Variants in PUM1 observed in about 807,000 individuals in gnomAD.
PUM1 encodes the protein pumilio homolog 1.
PUM1 carries 13 observed loss-of-function variants against 131.8 expected under a neutral mutation model. The ratio of observed to expected loss-of-function variants is 0.10; its 90% CI spans 0.06 to 0.16. The LOEUF is 0.16. Ranked by LOEUF, PUM1 falls within the 10% of genes least tolerant of loss-of-function variation. The pLI, the probability that PUM1 is intolerant of heterozygous loss-of-function variation, is 1.00. For missense variants in PUM1, 961 were observed against 1,512.4 expected (o/e 0.64, Z 6.05); for synonymous variants, 509 against 556.5 (o/e 0.91, Z 1.20).
At chr1:30,956,642 T>TA (rs1640177364) in intron 14 of PUM1, among the ~76,000 whole-genome samples, 1 of 152,124 alleles carries the variant, frequency 6.6e-6, no homozygotes. Flanking sequence ...AAAGAGGTGG[T>TA]AACAGGGTAG....
chr1:31,022,827 A>G (rs1416100512), intron 3 of PUM1, among the ~76,000 whole-genome samples: 1 of 152,202 alleles, frequency 6.6e-6, no homozygotes, highest in Non-Finnish European at 1.5e-5. Context: ...CCCAAAAAAC[A>G]TAAAGTTAAG....
intron 3 of PUM1, among the ~76,000 whole-genome samples, chr1:31,027,291 A>G (rs1643259529): frequency 6.6e-6 from 1 of 152,192 alleles, no homozygotes; most frequent in Non-Finnish European, 1.5e-5. Flanking sequence ...AAAATTCAAA[A>G]AAGAAAGAAA....
intron 2 of PUM1, among the ~76,000 whole-genome samples, chr1:31,043,062 T>C (rs1348163825): frequency 3.3e-5 from 5 of 152,160 alleles, no homozygotes; most frequent in Non-Finnish European, 7.4e-5. Flanking sequence ...TTTATGAAAC[T>C]AAGTTTCTCC....
chr1:30,944,426 A>C (rs559599569), intron 18 of PUM1, among the ~76,000 whole-genome samples: 2 of 152,356 alleles, frequency 1.3e-5, no homozygotes, highest in East Asian at 1.9e-4. Flanking sequence ...AAACAAAAAA[A>C]CACAAAACTA....
chr1:30,982,621 A>C (rs1242361234), intron 7 of PUM1, among the ~76,000 whole-genome samples: 1 of 152,236 alleles, frequency 6.6e-6, no homozygotes, highest in East Asian at 1.9e-4. Context: ...CTTGAATTAC[A>C]GATGTCCTCA....
At chr1:30,953,579 ATG>A in intron 15 of PUM1, 133 bp downstream of exon 15, 1 of 910,542 alleles carries the variant, frequency 1.1e-6, no homozygotes, top group Non-Finnish European at 1.7e-6. Context: ...CTATGAAATA[ATG>A]TGATGCAAAC....
chr1:30,997,552 G>T (rs1470396039), intron 5 of PUM1, among the ~76,000 whole-genome samples: 1 of 133,624 alleles, frequency 7.5e-6, no homozygotes, highest in Admixed American at 7.7e-5. Flanking sequence ...GCAGTAGGAA[G>T]TTTCAACAAC....
At chr1:30,934,052 C>T (rs960581458) in intron 21 of PUM1, among the ~76,000 whole-genome samples, 4 of 152,154 alleles carry the variant, frequency 2.6e-5, no homozygotes, top group Non-Finnish European at 5.9e-5. Flanking sequence ...TCTCAAGGCA[C>T]GCCCGCCACA....
chr1:30,961,080 G>C (rs542907381), intron 14 of PUM1, among the ~76,000 whole-genome samples: 20 of 152,094 alleles, frequency 1.3e-4, no homozygotes, highest in African/African-American at 2.2e-4. Flanking sequence ...TGTAATCCCA[G>C]CTACTTGGGA....
At chr1:30,940,791 A>G (rs949378023) in intron 20 of PUM1, among the ~76,000 whole-genome samples, 1 of 152,188 alleles carries the variant, frequency 6.6e-6, no homozygotes, top group African/African-American at 2.4e-5. Context: ...TAAGGCCTAT[A>G]TATAGATATG....
intron 3 of PUM1, among the ~76,000 whole-genome samples, chr1:31,014,928 G>T (rs1642757900): frequency 6.6e-6 from 1 of 152,070 alleles, no homozygotes; most frequent in African/African-American, 2.4e-5. Flanking sequence ...AGGAATTCAA[G>T]ACTAGCCTGT....
At chr1:31,049,177 T>G (rs186473217) in intron 2 of PUM1, among the ~76,000 whole-genome samples, 2 of 147,436 alleles carry the variant, frequency 1.4e-5, no homozygotes, top group Admixed American at 1.4e-4. Context: ...TGCACTCCAG[T>G]CTGGGTGACA....
intron 17 of PUM1, among the ~76,000 whole-genome samples, chr1:30,946,233 C>T (rs1266926337): frequency 1.3e-5 from 2 of 151,990 alleles, no homozygotes; most frequent in Non-Finnish European, 2.9e-5. Context: ...ATTTAAATAT[C>T]CCTAATTTAC....
At chr1:31,006,487 T>C (rs1384325965) in intron 4 of PUM1, among the ~76,000 whole-genome samples, 1 of 152,234 alleles carries the variant, frequency 6.6e-6, no homozygotes, top group Admixed American at 6.5e-5. Flanking sequence ...CCTTCCTCCC[T>C]ATCATCTGTC....
intron 3 of PUM1, among the ~76,000 whole-genome samples, chr1:31,018,362 TG>T (rs1642899129): frequency 6.8e-6 from 1 of 147,978 alleles, no homozygotes; most frequent in Non-Finnish European, 1.5e-5. Flanking sequence ...AAAATAAAAA[TG>T]AAAAAAATTA....
intron 15 of PUM1, among the ~76,000 whole-genome samples, chr1:30,953,011 C>A (rs948724667): frequency 6.7e-6 from 1 of 148,392 alleles, no homozygotes; most frequent in Non-Finnish European, 1.5e-5. Context: ...AACAAAAAAA[C>A]AAAAACAAAA....
At chr1:30,949,035 C>T in intron 17 of PUM1, 1 of 459,868 alleles carries the variant, frequency 2.2e-6, no homozygotes, top group South Asian at 1.5e-5. Context: ...CTTTGGACTT[C>T]TTCAGCCTTC....
chr1:31,001,109 G>A (rs554648601), intron 5 of PUM1, among the ~76,000 whole-genome samples: 21 of 152,288 alleles, frequency 1.4e-4, no homozygotes, highest in South Asian at 6.2e-4. Flanking sequence ...GCATGAACCC[G>A]GGAGGCGGAG....
intron 2 of PUM1, among the ~76,000 whole-genome samples, chr1:31,042,936 C>T (rs1293406532): frequency 6.6e-6 from 1 of 152,090 alleles, no homozygotes; most frequent in Non-Finnish European, 1.5e-5. Context: ...TCCATGTTGG[C>T]TAGGCTGGTC....
Sources: allele counts gnomAD v4.1 joint callset (sites outside exome capture counted in the v4.1 genomes callset), GRCh38; gene constraint gnomAD v4.1.1; transcripts MANE v1.5; gene names NCBI Gene and HGNC (gene_info 2026-07-23, HGNC 2026-07-21).